The following CCDC171 variants were observed in gnomAD, a reference collection of about 807,000 sequenced individuals.
CCDC171 encodes the protein coiled-coil domain-containing protein 171.
A neutral mutation model predicts 168.2 loss-of-function variants in CCDC171; 177 were observed. That is an observed-to-expected ratio of 1.05 (90% CI 0.93 to 1.19). CCDC171 has a LOEUF of 1.19. Among genes scored for constraint, CCDC171 ranks in the 50% most tolerant of loss-of-function variants. CCDC171 has a pLI of 0.00. For missense variants in CCDC171, 1,991 were observed against 1,539.0 expected (o/e 1.29, Z -4.91); for synonymous variants, 687 against 540.8 (o/e 1.27, Z -3.75).
chr9:15,696,993 C>T (rs947652954), intron 11 of CCDC171, among the ~76,000 whole-genome samples: 2 of 152,148 alleles, frequency 1.3e-5, no homozygotes, highest in African/African-American at 2.4e-5. Flanking sequence ...CTCCTTTACA[C>T]CCTTCTCCCC....
chr9:15,623,475 G>GCACACA (rs1554714957), intron 7 of CCDC171, 62 bp downstream of exon 7: 11,563 of 313,568 alleles, frequency 0.037, 177 homozygotes, highest in East Asian at 0.1. Context: ...GCGCGCGCGC[G>GCACACA]CACACACACA....
intron 7 of CCDC171, among the ~76,000 whole-genome samples, chr9:15,629,894 T>A (rs2045529900): frequency 6.6e-6 from 1 of 151,790 alleles, no homozygotes. Flanking sequence ...AAGAAAAAAA[T>A]TTTCAACCCA....
At chr9:15,666,039 C>G in intron 8 of CCDC171, 124 bp from the exon 9 acceptor site, 1 of 795,050 alleles carries the variant, frequency 1.3e-6, no homozygotes. Context: ...TTTTTTAAGC[C>G]AAAGCAGAAA....
At chr9:16,099,086 A>G in the CCDC171 span, among the ~76,000 whole-genome samples, 1 of 152,210 alleles carries the variant, frequency 6.6e-6, no homozygotes, top group South Asian at 2.1e-4. Context: ...TTGATTCCAG[A>G]CTGTTTAGAG....
intron 25 of CCDC171, among the ~76,000 whole-genome samples, chr9:15,939,538 A>G (rs972501616): frequency 6.6e-6 from 1 of 151,890 alleles, no homozygotes; most frequent in Non-Finnish European, 1.5e-5. Flanking sequence ...ACAAAAGTGC[A>G]TGAAAAAGTA....
At chr9:15,891,841 T>G (rs987032015) in intron 24 of CCDC171, among the ~76,000 whole-genome samples, 12 of 152,102 alleles carry the variant, frequency 7.9e-5, no homozygotes, top group African/African-American at 2.9e-4. Context: ...AGAACCTCAG[T>G]GTTACCATTC....
At chr9:15,982,852 C>T (rs1432404310) in intron 3 of CCDC171, among the ~76,000 whole-genome samples, 1 of 152,150 alleles carries the variant, frequency 6.6e-6, no homozygotes, top group African/African-American at 2.4e-5. Flanking sequence ...TGGGATTCTA[C>T]TTGTTCAGCA....
intron 25 of CCDC171, among the ~76,000 whole-genome samples, chr9:15,959,766 G>A (rs1480103978): frequency 6.6e-6 from 1 of 152,086 alleles, no homozygotes; most frequent in African/African-American, 2.4e-5. Context: ...TGGAGAGAAC[G>A]ACCTAATGCC....
At chr9:16,051,758 A>C (rs1249081078) in intron 1 of CCDC171, among the ~76,000 whole-genome samples, 1 of 152,184 alleles carries the variant, frequency 6.6e-6, no homozygotes, top group East Asian at 1.9e-4. Context: ...TTAGTTTTCT[A>C]ACTGAACTGA....
chr9:15,577,892 A>G (rs144502916), intron 3 of CCDC171, among the ~76,000 whole-genome samples: 1 of 152,294 alleles, frequency 6.6e-6, no homozygotes, highest in East Asian at 1.9e-4. Flanking sequence ...TGGCATCTTC[A>G]CTTCTCCTGC....
intron 7 of CCDC171, among the ~76,000 whole-genome samples, chr9:15,656,364 C>G (rs2047935344): frequency 6.6e-6 from 1 of 151,984 alleles, no homozygotes; most frequent in Non-Finnish European, 1.5e-5. Flanking sequence ...GTCATTTCAC[C>G]CATTCATTCC....
chr9:15,894,321 T>C (rs1311889985), intron 24 of CCDC171, among the ~76,000 whole-genome samples: 1 of 152,048 alleles, frequency 6.6e-6, no homozygotes, highest in Non-Finnish European at 1.5e-5. Context: ...AGCTAATGGA[T>C]GCTGGGCTTA....
intron 25 of CCDC171, among the ~76,000 whole-genome samples, chr9:15,940,076 A>C (rs959953324): frequency 1.3e-5 from 2 of 151,898 alleles, no homozygotes; most frequent in Non-Finnish European, 2.9e-5. Flanking sequence ...CTTGGTACAG[A>C]TCTTGATTAT....
chr9:16,062,541 C>T (rs1289822547), downstream of CCDC171, among the ~76,000 whole-genome samples: 1 of 152,034 alleles, frequency 6.6e-6, no homozygotes, highest in African/African-American at 2.4e-5. Context: ...CCTGTATGCC[C>T]TGAACCTAAA....
intron 23 of CCDC171, among the ~76,000 whole-genome samples, chr9:15,871,038 T>C (rs2062017279): frequency 6.6e-6 from 1 of 151,538 alleles, no homozygotes; most frequent in Admixed American, 6.6e-5. Context: ...ATGATATGTC[T>C]ATTAGAGATA....
At chr9:15,691,507 A>G (rs2050774359) in intron 10 of CCDC171, among the ~76,000 whole-genome samples, 1 of 139,156 alleles carries the variant, frequency 7.2e-6, no homozygotes, top group South Asian at 2.3e-4. Flanking sequence ...AGAATATTTA[A>G]ATATTTAATG....
At chr9:15,613,635 G>T (rs546771462) in intron 6 of CCDC171, among the ~76,000 whole-genome samples, 6 of 151,034 alleles carry the variant, frequency 4.0e-5, no homozygotes. Context: ...CGGTTCTCCT[G>T]CCTCAGCCTC....
At chr9:15,735,446 C>A (rs2054432376) in intron 16 of CCDC171, among the ~76,000 whole-genome samples, 1 of 151,560 alleles carries the variant, frequency 6.6e-6, no homozygotes, top group Non-Finnish European at 1.5e-5. Flanking sequence ...TTTTTTTTTA[C>A]TGTCAGTTAA....
intron 7 of CCDC171, among the ~76,000 whole-genome samples, chr9:15,636,764 A>G (rs944696445): frequency 6.6e-6 from 1 of 151,764 alleles, no homozygotes; most frequent in Admixed American, 6.6e-5. Flanking sequence ...AAAAAAAAAA[A>G]AAAAAAAGGT....
Sources: gnomAD v4.1 joint callset for allele counts (sites outside exome capture counted in the v4.1 genomes callset) on GRCh38, gnomAD v4.1.1 for gene constraint, MANE v1.5 for transcripts, NCBI Gene and HGNC (gene_info 2026-07-23, HGNC 2026-07-21) for gene names.